NEDD4L: variants seen among roughly 807,000 people sequenced by gnomAD.
NEDD4L encodes NEDD4 like E3 ubiquitin protein ligase.
Under a neutral mutation model 148.9 loss-of-function variants are expected in NEDD4L, and 54 were observed. The ratio of observed to expected loss-of-function variants is 0.36; its 90% confidence interval spans 0.29 to 0.45. NEDD4L has a LOEUF of 0.45. NEDD4L is among the 20% of genes least tolerant of loss of function. The pLI is 1.00. For missense variants in NEDD4L, 856 were observed against 1,233.8 expected, an observed-to-expected ratio of 0.69 and a Z score of 4.59; for synonymous variants, 433 against 440.7, an observed-to-expected ratio of 0.98 and a Z score of 0.22.
At chr18:58,378,459 C>T (rs1327651345) in intron 24 of NEDD4L, among the ~76,000 whole-genome samples, 1 of 152,202 alleles carries the variant, frequency 6.6e-6, no homozygotes, top group Admixed American at 6.5e-5. Flanking sequence ...AGACGAAGAG[C>T]CCGGAGCTGG....
At position 58,335,492 on chromosome 18, in the gene NEDD4L, T is replaced by G; in HGVS notation, c.1080T>G (p.Ala360=). The G allele has an allele frequency of 1.3e-5, 21 of 1,613,592 alleles. No individual in the cohort carries two copies. Among genetic ancestry groups the G allele is most frequent in the Non-Finnish European group, 1.8e-5 (21 of 1,179,600 alleles). The part of the protein sequence containing the change: ...QGHLPPPSAP[A]GRARSSTVTG... ...ATCATTCACAGCCCAGTGCCCCAGC[T>G]GGGAGAGCGCGTTCATCAACTGTCA... is the stretch of plus-strand genomic sequence containing the variant. The change falls in exon 13 of 31, where the codon GCT becomes GCG. Residue 360 remains alanine (A), a synonymous_variant. Coordinates refer to ENST00000400345, the MANE Select transcript of NEDD4L (RefSeq NM_001144967.3).
At chr18:58,151,440 T>C (rs538059846) in intron 1 of NEDD4L, among the ~76,000 whole-genome samples, 49 of 152,232 alleles carry the variant, frequency 3.2e-4, no homozygotes, top group Admixed American at 7.2e-4. Context: ...TATGGTGAGC[T>C]TCAGTAGGTC....
chr18:58,239,274 C>T (rs1266254322), intron 2 of NEDD4L, among the ~76,000 whole-genome samples: 2 of 152,208 alleles, frequency 1.3e-5, no homozygotes, highest in African/African-American at 4.8e-5. Flanking sequence ...GACCATCTTC[C>T]TTTTACAGCA....
intron 2 of NEDD4L, among the ~76,000 whole-genome samples, chr18:58,178,098 G>A (rs754864456): frequency 3.9e-5 from 6 of 152,226 alleles, no homozygotes; most frequent in Admixed American, 6.5e-5. Context: ...GATGGTCCAC[G>A]GGCTGCAGTC....
At chr18:58,235,768 CTG>C (rs1324985532) in intron 2 of NEDD4L, among the ~76,000 whole-genome samples, 12 of 152,180 alleles carry the variant, frequency 7.9e-5, no homozygotes, top group Non-Finnish European at 2.9e-5. Flanking sequence ...CCAGTACAAT[CTG>C]TGTCTCTGTG....
intron 26 of NEDD4L, among the ~76,000 whole-genome samples, chr18:58,386,428 T>C (rs2049036259): frequency 6.6e-6 from 1 of 152,210 alleles, no homozygotes; most frequent in Non-Finnish European, 1.5e-5. Context: ...TACAGATACA[T>C]GGAAAACACA....
intron 19 of NEDD4L, among the ~76,000 whole-genome samples, chr18:58,359,278 A>G (rs1390773345): frequency 2.0e-5 from 3 of 151,972 alleles, no homozygotes; most frequent in Non-Finnish European, 4.4e-5. Context: ...CTTTTGTTCA[A>G]TTGATAGAGT....
chr18:58,143,251 G>A (rs925556148), intron 1 of NEDD4L, among the ~76,000 whole-genome samples: 1 of 152,168 alleles, frequency 6.6e-6, no homozygotes, highest in South Asian at 2.1e-4. Context: ...GCTTAATAAT[G>A]TGCCCAGGTA....
intron 1 of NEDD4L, among the ~76,000 whole-genome samples, chr18:58,099,015 A>G (rs942791940): frequency 6.6e-6 from 1 of 152,130 alleles, no homozygotes; most frequent in Non-Finnish European, 1.5e-5. Flanking sequence ...GCCACCTTGT[A>G]TTATAGTTGT....
intron 2 of NEDD4L, among the ~76,000 whole-genome samples, chr18:58,188,838 G>T (rs1198542837): frequency 6.6e-6 from 1 of 152,236 alleles, no homozygotes; most frequent in Non-Finnish European, 1.5e-5. Flanking sequence ...TCTTTCTAGA[G>T]AAAATGATTG....
chr18:58,141,574 T>C (rs920584300), intron 1 of NEDD4L, among the ~76,000 whole-genome samples: 12 of 152,302 alleles, frequency 7.9e-5, no homozygotes, highest in African/African-American at 2.9e-4. Context: ...AGGCCTTGAA[T>C]TCCTGATTGT....
chr18:58,139,279 C>A (rs2033215475), intron 1 of NEDD4L, among the ~76,000 whole-genome samples: 1 of 151,726 alleles, frequency 6.6e-6, no homozygotes, highest in African/African-American at 2.4e-5. Flanking sequence ...TCTGTCTCTT[C>A]CCTCCCAACC....
intron 1 of NEDD4L, among the ~76,000 whole-genome samples, chr18:58,063,039 CTTTTT>C (rs74183235): frequency 1.4e-4 from 13 of 91,166 alleles, no homozygotes; most frequent in African/African-American, 6.2e-4. Flanking sequence ...TTTATTTGTT[CTTTTT>C]TTTTTTTTTT....
intron 2 of NEDD4L, among the ~76,000 whole-genome samples, chr18:58,180,195 G>A (rs1019157236): frequency 5.9e-5 from 9 of 152,042 alleles, no homozygotes; most frequent in Non-Finnish European, 8.8e-5. Context: ...TCCGAGCCGC[G>A]GTGCGCTCTT....
chr18:58,383,091 G>A (rs1029911849), intron 24 of NEDD4L, among the ~76,000 whole-genome samples, 155 bp from the exon 25 acceptor site: 3 of 152,192 alleles, frequency 2.0e-5, no homozygotes, highest in Non-Finnish European at 4.4e-5. Context: ...TAGCAAAAAA[G>A]CCTCATTGGA....
chr18:58,295,345 A>T (rs2055401430), intron 5 of NEDD4L, among the ~76,000 whole-genome samples: 1 of 152,164 alleles, frequency 6.6e-6, no homozygotes, highest in Admixed American at 6.5e-5. Context: ...CTGGGATATC[A>T]TGAAGCTGGT....
In NEDD4L at chr18:58,075,697, G is replaced by C. The variant is rs74890738; in HGVS notation, c.48+30989G>C. Among the ~76,000 whole-genome samples the C allele has an allele frequency of 7.1e-3, 1,083 of 152,252 alleles. 18 individuals carry two copies. Among genetic ancestry groups the C allele is most frequent in the African/African-American group, 0.025 (1,025 of 41,558 alleles). Reference sequence around the variant, plus strand: ...TCCAAGAGGTTTGGAAGGCTGAGGCGGGAGGGTCACTTGAGAAAAGGAGTT... The same window carrying C: ...TCCAAGAGGTTTGGAAGGCTGAGGCCGGAGGGTCACTTGAGAAAAGGAGTT... On this transcript the variant is annotated intron_variant, in intron 1 of 30. Transcript: ENST00000400345.
intron 1 of NEDD4L, among the ~76,000 whole-genome samples, chr18:58,127,477 G>A (rs1308410542): frequency 6.6e-6 from 1 of 151,994 alleles, no homozygotes; most frequent in East Asian, 1.9e-4. Flanking sequence ...GCCGAGGCGG[G>A]AAGATCGCTT....
At chr18:58,139,181 T>G (rs1360246169) in intron 1 of NEDD4L, among the ~76,000 whole-genome samples, 1 of 152,142 alleles carries the variant, frequency 6.6e-6, no homozygotes, top group Non-Finnish European at 1.5e-5. Flanking sequence ...AACTGAGAGA[T>G]TGTTTTCTGT....
Sources: gnomAD v4.1 joint callset for allele counts (sites outside exome capture counted in the v4.1 genomes callset) on GRCh38, gnomAD v4.1.1 for gene constraint, MANE v1.5 for transcripts, NCBI Gene and HGNC (gene_info 2026-07-23, HGNC 2026-07-21) for gene names.